The following CWC27 variants were observed in gnomAD, a reference collection of about 807,000 sequenced individuals.
CWC27 encodes the protein CWC27 spliceosome associated cyclophilin, also known as spliceosome-associated protein CWC27 homolog.
CWC27 carries 47 observed loss-of-function variants against 63.6 expected under a neutral mutation model. The ratio of observed to expected loss-of-function variants is 0.74; its 90% CI spans 0.58 to 0.94. CWC27 has a LOEUF of 0.94. CWC27 is among the 40% of genes least tolerant of loss of function. The pLI is 0.00. For synonymous variants in CWC27, 175 were observed against 179.8 expected (o/e 0.97, Z 0.22); for missense variants, 495 against 554.3 (o/e 0.89, Z 1.07).
At chr5:64,787,844 A>T (rs1439420308) in intron 6 of CWC27, among the ~76,000 whole-genome samples, 1 of 152,128 alleles carries the variant, frequency 6.6e-6, no homozygotes, top group Admixed American at 6.5e-5. Flanking sequence ...GGCAAAGTTG[A>T]TTAAACTTTC....
intron 7 of CWC27, among the ~76,000 whole-genome samples, chr5:64,799,602 A>ATATATATG (rs143997810): frequency 9.8e-5 from 13 of 132,892 alleles, no homozygotes; most frequent in African/African-American, 3.8e-4. Context: ...ATATATATAT[A>ATATATATG]CTTAATAGCA....
intron 4 of CWC27, 119 bp downstream of exon 4, chr5:64,784,098 G>T: frequency 1.2e-6 from 1 of 865,096 alleles, no homozygotes; most frequent in Non-Finnish European, 1.7e-6. Context: ...ACATTCCATA[G>T]GATATGTTTA....
intron 10 of CWC27, among the ~76,000 whole-genome samples, chr5:64,836,987 G>A (rs996733): frequency 0.35 from 53,546 of 151,844 alleles, 9,885 homozygotes; most frequent in East Asian, 0.51. Context: ...CCATACACCA[G>A]GAAAAGTTTC....
intron 3 of CWC27, among the ~76,000 whole-genome samples, chr5:64,783,075 C>T (rs1237104520): frequency 2.0e-5 from 3 of 152,104 alleles, no homozygotes; most frequent in African/African-American, 7.2e-5. Context: ...ATACAGTATA[C>T]AGAGTTATGA....
intron 11 of CWC27, among the ~76,000 whole-genome samples, chr5:64,965,318 T>G (rs778106242): frequency 2.0e-5 from 3 of 152,190 alleles, no homozygotes; most frequent in Non-Finnish European, 4.4e-5. Flanking sequence ...GTCTCACCCA[T>G]AATCAGAGGA....
At chr5:64,840,406 TA>T (rs1228687584) in intron 10 of CWC27, among the ~76,000 whole-genome samples, 1 of 73,118 alleles carries the variant, frequency 1.4e-5, no homozygotes, top group Non-Finnish European at 2.8e-5. Context: ...TATATATATA[TA>T]TATATATATA....
intron 10 of CWC27, among the ~76,000 whole-genome samples, chr5:64,826,104 TATCTATCTATCCATCC>T (rs1355070483): frequency 1.3e-5 from 2 of 152,048 alleles, no homozygotes; most frequent in Non-Finnish European, 2.9e-5. Flanking sequence ...TCTATCTATC[TATCTATCTATCCATCC>T]ATCAATTATC....
intron 11 of CWC27, among the ~76,000 whole-genome samples, chr5:64,906,904 C>A (rs922305364): frequency 6.6e-6 from 1 of 152,122 alleles, no homozygotes; most frequent in African/African-American, 2.4e-5. Flanking sequence ...GTTTTCCCAG[C>A]GCCATTTATT....
At chr5:64,932,938 A>AT (rs1345179215) in intron 11 of CWC27, among the ~76,000 whole-genome samples, 1 of 152,274 alleles carries the variant, frequency 6.6e-6, no homozygotes, top group African/African-American at 2.4e-5. Flanking sequence ...TAATATAGTT[A>AT]TTTTATTATT....
intron 13 of CWC27, among the ~76,000 whole-genome samples, chr5:65,014,708 G>T (rs7702147): frequency 1.3e-5 from 2 of 152,170 alleles, no homozygotes; most frequent in East Asian, 3.9e-4. Flanking sequence ...TGTAAAGTGC[G>T]GGCATGCTTT....
chr5:64,990,243 T>TAGATGTCATCCTTAA (rs1561181395), intron 13 of CWC27, among the ~76,000 whole-genome samples: 1 of 99,912 alleles, frequency 1.0e-5, no homozygotes, highest in African/African-American at 4.5e-5. Flanking sequence ...TTTATTTGTT[T>TAGATGTCATCCTTAA]TTTTTTTGTT....
At chr5:64,874,454 G>A (rs566398109) in intron 10 of CWC27, among the ~76,000 whole-genome samples, 6 of 151,448 alleles carry the variant, frequency 4.0e-5, no homozygotes, top group East Asian at 2.0e-4. Flanking sequence ...ATGAGCCACC[G>A]TGCCCAGCCG....
At chr5:65,012,465 A>G (rs1344370982) in intron 13 of CWC27, among the ~76,000 whole-genome samples, 1 of 152,222 alleles carries the variant, frequency 6.6e-6, no homozygotes, top group Non-Finnish European at 1.5e-5. Flanking sequence ...TTTGCAGGCA[A>G]TTCCAAACTC....
intron 11 of CWC27, among the ~76,000 whole-genome samples, chr5:64,945,438 A>G (rs1300434405): frequency 1.3e-5 from 2 of 152,192 alleles, no homozygotes; most frequent in Non-Finnish European, 2.9e-5. Context: ...TTTATAATAC[A>G]TCCTTTGATA....
At position 64,961,012 on chromosome 5, in the gene CWC27, A is replaced by C. The variant is rs549430889; in HGVS notation, c.1043-10691A>C. 2.6e-5 allele frequency among the ~76,000 whole-genome samples: 4 copies of C among 152,244 alleles called. No individual in the cohort carries two copies. In the South Asian group the frequency reaches 6.2e-4, roughly 24 times the overall value. On this transcript the variant is annotated intron_variant, in intron 11 of 13. Transcript: ENST00000381070. ...TGAGACAACAGAGGGTATAAGTATAAGCTCTTTTAATCTATACAGTGAAAG... is the reference window on the plus strand; with the variant it reads ...TGAGACAACAGAGGGTATAAGTATACGCTCTTTTAATCTATACAGTGAAAG...
At chr5:64,864,839 G>C (rs1746496579) in intron 10 of CWC27, among the ~76,000 whole-genome samples, 1 of 152,018 alleles carries the variant, frequency 6.6e-6, no homozygotes, top group Non-Finnish European at 1.5e-5. Flanking sequence ...ATTGTGGTAT[G>C]ATTAAATCAA....
At position 64,804,254 on chromosome 5, in the gene CWC27, A is replaced by G; in HGVS notation, c.806A>G (p.His269Arg). The G allele has an allele frequency of 6.2e-7, 1 of 1,612,266 alleles. No homozygotes were observed. The highest frequency in any genetic ancestry group is 8.5e-7 in the Non-Finnish European group (1 of 1,179,094). Residue 269 changes from histidine (H) to arginine (R), a missense_variant, in exon 10 of 14, where the codon CAT (histidine) becomes CGT (arginine). His to Arg is a conservative substitution (Grantham distance 29). This residue lies in a region of CWC27 where 463 missense variants were observed against 498.1 expected (regional missense o/e 0.93). Coordinates refer to ENST00000381070, the MANE Select transcript of CWC27 (RefSeq NM_005869.4). ...GATGGAGAAGATGAAAGTGCAGAGC[A>G]TGATGAATATATTGATGGTGATGAA... Reference protein sequence around the residue: ...VDDGEDESAEHDEYIDGDEKN... With the variant: ...VDDGEDESAERDEYIDGDEKN...
At chr5:64,985,973 G>A (rs2112453898) in intron 13 of CWC27, among the ~76,000 whole-genome samples, 1 of 152,264 alleles carries the variant, frequency 6.6e-6, no homozygotes, top group Middle Eastern at 3.4e-3. Flanking sequence ...ACCAGGTGGA[G>A]GTGATTGGAT....
At chr5:64,979,806 GATCATTTTC>G (rs2112449212) in intron 13 of CWC27, among the ~76,000 whole-genome samples, 1 of 152,102 alleles carries the variant, frequency 6.6e-6, no homozygotes, top group African/African-American at 2.4e-5. Context: ...CACATTGAGG[GATCATTTTC>G]ATTTTCTGTC....
Sources: allele counts gnomAD v4.1 joint callset (sites outside exome capture counted in the v4.1 genomes callset), GRCh38; gene constraint gnomAD v4.1.1; regional missense constraint gnomAD v4.1.1; transcripts MANE v1.5; gene names NCBI Gene and HGNC (gene_info 2026-07-23, HGNC 2026-07-21).